The following TRPM1 variants were observed in gnomAD, a reference collection of about 807,000 sequenced individuals.
TRPM1 encodes TRPM1-203 APA Isoform, Intron 10.
A neutral mutation model predicts 149.4 loss-of-function variants in TRPM1; 113 were observed. The observed-to-expected ratio is 0.76, with a 90% CI of 0.65 to 0.88. The LOEUF is 0.88. Among genes scored for constraint, TRPM1 ranks in the 40% least tolerant of loss-of-function variants. TRPM1 has a pLI of 0.00. For synonymous variants in TRPM1, 741 were observed against 759.5 expected, an observed-to-expected ratio of 0.98 and a Z score of 0.40; for missense variants, 1,976 against 2,038.7, an observed-to-expected ratio of 0.97 and a Z score of 0.59.
intron 7 of TRPM1, among the ~76,000 whole-genome samples, chr15:31,065,304 C>T (rs1008112035): frequency 2.0e-5 from 3 of 152,236 alleles, no homozygotes; most frequent in African/African-American, 7.2e-5. Context: ...CATCACAGTC[C>T]CATACATGAT....
At chr15:31,091,064 G>T (rs1347658500) in intron 1 of TRPM1, among the ~76,000 whole-genome samples, 1 of 152,234 alleles carries the variant, frequency 6.6e-6, no homozygotes, top group Non-Finnish European at 1.5e-5. Context: ...AAAGTGCAAC[G>T]AGGGTAATAG....
chr15:31,030,368 T>C (rs988204495), intron 23 of TRPM1, among the ~76,000 whole-genome samples: 1 of 152,162 alleles, frequency 6.6e-6, no homozygotes, highest in Admixed American at 6.5e-5. Flanking sequence ...TGGTAAATAG[T>C]GTACAAGAAC....
chr15:31,110,608 G>A (rs1321647634), intron 1 of TRPM1, among the ~76,000 whole-genome samples: 1 of 152,084 alleles, frequency 6.6e-6, no homozygotes, highest in African/African-American at 2.4e-5. Context: ...GCCCAGCCTC[G>A]TCAACAGGTG....
chr15:31,060,144 C>CACACACACAG, intron 11 of TRPM1: 1 of 315,094 alleles, frequency 3.2e-6, no homozygotes, highest in Admixed American at 4.9e-5. Context: ...GACACACACA[C>CACACACACAG]ATAAACACAC....
At position 31,060,591 on chromosome 15, in the gene TRPM1, C is replaced by G; in HGVS notation, c.1216G>C (p.Val406Leu). ...AAGATCTGGCTTCGTGCTATGTCCA[C>G]GCGGTTCCAAGCCAGTGCCAAGCTC... is the stretch of plus-strand genomic sequence containing the variant. ...QLSLALAWNR[V>L]DIARSQIFVF... The change falls in exon 11 of 28, where the codon GTG becomes CTG. Residue 406 changes from valine to leucine, a missense_variant. By Grantham distance (32) the Val-to-Leu change is conservative. This residue lies in a region of TRPM1 where 1,332 missense variants were observed against 1,347.1 expected (regional missense o/e 0.99). Transcript: ENST00000256552. The G allele has an allele frequency of 1.2e-6, 2 of 1,614,252 alleles. No homozygotes were observed. The highest frequency in any genetic ancestry group is 1.7e-6 in the Non-Finnish European group (2 of 1,180,048).
intron 27 of TRPM1, among the ~76,000 whole-genome samples, chr15:31,012,698 G>A (rs1296636850): frequency 2.0e-5 from 3 of 151,984 alleles, no homozygotes; most frequent in Non-Finnish European, 4.4e-5. Context: ...TTTAAATATT[G>A]TTTCTGCCAG....
Position 31,067,878 on chromosome 15 carries a change from C to T in TRPM1, c.493+1G>A, listed in dbSNP as rs1457454284. On this transcript the variant is annotated splice_donor_variant, in intron 5 of 27. Transcript: ENST00000256552. LOFTEE classifies it high-confidence loss of function. ...TCGGGAGGGAAAGGGCCTGCTCTTA[C>T]CTGTGCTGACACCCCCGGTGAAGAT... 6.2e-7 allele frequency: 1 copy of T among 1,612,464 alleles called. No homozygotes were observed. The highest frequency in any genetic ancestry group is 8.5e-7 in the Non-Finnish European group (1 of 1,179,904).
chr15:31,135,170 T>G (rs988648619), intron 1 of TRPM1, among the ~76,000 whole-genome samples: 1 of 152,202 alleles, frequency 6.6e-6, no homozygotes, highest in Non-Finnish European at 1.5e-5. Flanking sequence ...TCCTTCCCTA[T>G]GATGCCATCT....
chr15:31,068,437 T>C (rs1396749396), intron 4 of TRPM1, among the ~76,000 whole-genome samples: 1 of 152,094 alleles, frequency 6.6e-6, no homozygotes, highest in Non-Finnish European at 1.5e-5. Flanking sequence ...GTGGGACTAG[T>C]GTCCTTATAA....
intron 21 of TRPM1, among the ~76,000 whole-genome samples, chr15:31,034,992 A>G (rs988699447): frequency 2.6e-5 from 4 of 152,210 alleles, no homozygotes; most frequent in African/African-American, 9.6e-5. Flanking sequence ...GTCCCACAGC[A>G]TGTGTAATTT....
intron 1 of TRPM1, among the ~76,000 whole-genome samples, chr15:31,082,081 C>T (rs1250208328): frequency 6.6e-6 from 1 of 152,150 alleles, no homozygotes; most frequent in Non-Finnish European, 1.5e-5. Context: ...TTCAGTGCAA[C>T]GATAACGCCA....
intron 1 of TRPM1, among the ~76,000 whole-genome samples, chr15:31,120,358 T>C (rs1454910358): frequency 6.6e-6 from 1 of 152,170 alleles, no homozygotes; most frequent in Non-Finnish European, 1.5e-5. Flanking sequence ...GATGTAAGAA[T>C]TTTTGATGTG....
chr15:31,156,951 G>A (rs1253074193), intron 1 of TRPM1, among the ~76,000 whole-genome samples: 2 of 149,908 alleles, frequency 1.3e-5, no homozygotes, highest in Admixed American at 6.6e-5. Flanking sequence ...TTTGAGATAG[G>A]GTCTCACTCT....
chr15:31,006,164 A>G (rs901598717), intron 27 of TRPM1, among the ~76,000 whole-genome samples: 1 of 151,964 alleles, frequency 6.6e-6, no homozygotes, highest in Non-Finnish European at 1.5e-5. Context: ...GCTCTCTTAA[A>G]GATTTCTTTT....
At chr15:31,132,147 G>A (rs1043976571) in intron 1 of TRPM1, among the ~76,000 whole-genome samples, 8 of 152,196 alleles carry the variant, frequency 5.3e-5, no homozygotes, top group Non-Finnish European at 1.0e-4. Context: ...CACTGTCTTG[G>A]GTTTGCATGG....
chr15:31,141,189 A>G (rs1239491549), intron 1 of TRPM1, among the ~76,000 whole-genome samples: 1 of 152,088 alleles, frequency 6.6e-6, no homozygotes, highest in Non-Finnish European at 1.5e-5. Context: ...CTGTTAGTAA[A>G]CATAAAAAAT....
At chr15:31,066,342 A>T in intron 6 of TRPM1, 95 bp from the exon 7 acceptor site, 1 of 1,371,436 alleles carries the variant, frequency 7.3e-7, no homozygotes, top group Non-Finnish European at 1.0e-6. Flanking sequence ...GAGTGACTGC[A>T]CTAAAACTTA....
At chr15:31,117,844 A>G (rs1165107676) in intron 1 of TRPM1, among the ~76,000 whole-genome samples, 1 of 152,212 alleles carries the variant, frequency 6.6e-6, no homozygotes, top group Non-Finnish European at 1.5e-5. Flanking sequence ...AAGAGGCTAG[A>G]CATTACCAAG....
chr15:31,110,292 G>A (rs981976742), intron 1 of TRPM1, among the ~76,000 whole-genome samples: 2 of 152,126 alleles, frequency 1.3e-5, no homozygotes, highest in African/African-American at 2.4e-5. Context: ...AAGAAGGCTA[G>A]AGAATAATTT....
Sources: gnomAD v4.1 joint callset for allele counts (sites outside exome capture counted in the v4.1 genomes callset) on GRCh38, gnomAD v4.1.1 for gene constraint, gnomAD v4.1.1 regional missense constraint, MANE v1.5 for transcripts, NCBI Gene and HGNC (gene_info 2026-07-23, HGNC 2026-07-21) for gene names.